The following ASTN2 variants were observed in gnomAD, a reference collection of about 807,000 sequenced individuals.
The protein encoded by ASTN2 is astrotactin-2.
In ASTN2, 54 loss-of-function variants were observed where a neutral mutation model predicts 139.8. That is an observed-to-expected ratio of 0.39 (90% confidence interval 0.31 to 0.48). The LOEUF is 0.48. Ranked by LOEUF, ASTN2 falls within the 20% of genes least tolerant of loss-of-function variation. The pLI, the probability that ASTN2 is intolerant of heterozygous loss-of-function variation, is 0.95. For synonymous variants in ASTN2, 756 were observed against 719.5 expected, an observed-to-expected ratio of 1.05 and a Z score of -0.81; for missense variants, 1,565 against 1,725.1, an observed-to-expected ratio of 0.91 and a Z score of 1.64.
chr9:117,200,996 C>CTTTTTTTT (rs777675838), intron 3 of ASTN2, among the ~76,000 whole-genome samples: 22 of 94,942 alleles, frequency 2.3e-4, no homozygotes, highest in East Asian at 6.7e-4. Context: ...TGGTCCTGGG[C>CTTTTTTTT]TTTTTTTTTT....
intron 1 of ASTN2, among the ~76,000 whole-genome samples, chr9:117,336,317 G>A (rs1175189358): frequency 6.6e-6 from 1 of 152,074 alleles, no homozygotes; most frequent in Non-Finnish European, 1.5e-5. Flanking sequence ...CCTCATGCTG[G>A]GATTAATTTG....
At chr9:117,059,673 AAC>A (rs560161665) in intron 5 of ASTN2, among the ~76,000 whole-genome samples, 176 of 152,268 alleles carry the variant, frequency 1.2e-3, no homozygotes, top group African/African-American at 4.0e-3. Flanking sequence ...CCAACAAAAA[AAC>A]ACAGACTAAC....
At chr9:116,916,347 G>C (rs57776284) in intron 10 of ASTN2, among the ~76,000 whole-genome samples, 4,220 of 152,226 alleles carry the variant, frequency 0.028, 212 homozygotes, top group African/African-American at 0.097. Context: ...GTCCAAATTA[G>C]CTCAGAAATG....
intron 16 of ASTN2, among the ~76,000 whole-genome samples, chr9:116,689,240 C>A (rs924216660): frequency 6.6e-6 from 1 of 152,186 alleles, no homozygotes; most frequent in Non-Finnish European, 1.5e-5. Flanking sequence ...CTAGCTCTAT[C>A]TCTTCCTGAC....
chr9:116,652,365 A>G (rs1039717735), intron 16 of ASTN2, among the ~76,000 whole-genome samples: 1 of 152,152 alleles, frequency 6.6e-6, no homozygotes, highest in Non-Finnish European at 1.5e-5. Flanking sequence ...AATTAATTAA[A>G]TAAAGTTGGT....
At chr9:117,293,732 AG>A (rs1377933337) in intron 1 of ASTN2, among the ~76,000 whole-genome samples, 1 of 152,216 alleles carries the variant, frequency 6.6e-6, no homozygotes, top group African/African-American at 2.4e-5. Flanking sequence ...GCAGACAGCC[AG>A]CTGGGCCAAG....
At chr9:116,464,825 CTTACCA>C (rs1848603109) in intron 20 of ASTN2, among the ~76,000 whole-genome samples, 1 of 152,226 alleles carries the variant, frequency 6.6e-6, no homozygotes, top group Non-Finnish European at 1.5e-5. Context: ...TAGGGATCAA[CTTACCA>C]TTTCTTCCCA....
chr9:117,316,393 T>C (rs1828145187), intron 1 of ASTN2, among the ~76,000 whole-genome samples: 1 of 152,102 alleles, frequency 6.6e-6, no homozygotes, highest in African/African-American at 2.4e-5. Flanking sequence ...GACAGATGGA[T>C]GGAGGGAGGG....
At chr9:116,590,009 G>C in intron 19 of ASTN2, among the ~76,000 whole-genome samples, 1 of 152,226 alleles carries the variant, frequency 6.6e-6, no homozygotes, top group East Asian at 1.9e-4. Flanking sequence ...TGGTCATTGA[G>C]GGGTAGCCTA....
chr9:117,251,559 A>C (rs1236602897), intron 2 of ASTN2, among the ~76,000 whole-genome samples: 1 of 152,210 alleles, frequency 6.6e-6, no homozygotes, highest in African/African-American at 2.4e-5. Context: ...ATAAACACTA[A>C]ATGAATATGT....
chr9:116,709,178 C>T (rs971937787), intron 16 of ASTN2, among the ~76,000 whole-genome samples: 1 of 152,176 alleles, frequency 6.6e-6, no homozygotes, highest in African/African-American at 2.4e-5. Flanking sequence ...ACTGAGGTTT[C>T]CTTGCTGTAG....
intron 16 of ASTN2, among the ~76,000 whole-genome samples, chr9:116,667,249 C>T (rs1457318307): frequency 2.0e-5 from 3 of 152,026 alleles, no homozygotes; most frequent in South Asian, 2.1e-4. Flanking sequence ...AACCACCACA[C>T]CTGGCCTTGA....
Position 117,414,085 on chromosome 9 carries a change from C to A in ASTN2, c.442+412G>T, listed in dbSNP as rs1320051166. 6.6e-6 allele frequency among the ~76,000 whole-genome samples: 1 copy of A among 152,128 alleles called. No individual in the cohort carries two copies. Among genetic ancestry groups the A allele is most frequent in the South Asian group, 2.1e-4 (1 of 4,830 alleles). On this transcript the variant is annotated intron_variant, in intron 1 of 22. Coordinates refer to ENST00000313400, the MANE Select transcript of ASTN2 (RefSeq NM_001365068.1). This position sits in a 1 kb window ranked among gnomAD's most constrained non-coding sequence, Gnocchi z 4.2. ...CAACTCCGAGGCGAGAGCGAGGGGG[C>A]GGTGACGGCGGGTGGCCAGTGACGG...
At chr9:116,805,902 T>C (rs1285985611) in intron 12 of ASTN2, 82 bp from the exon 13 acceptor site, 4 of 1,405,438 alleles carry the variant, frequency 2.8e-6, no homozygotes, top group Non-Finnish European at 3.9e-6. Context: ...AGGCCTCCTT[T>C]CCCTGCAAAA....
chr9:117,138,282 A>T (rs1829998220), intron 4 of ASTN2, among the ~76,000 whole-genome samples: 1 of 152,218 alleles, frequency 6.6e-6, no homozygotes, highest in Non-Finnish European at 1.5e-5. Context: ...TAGTCATGGA[A>T]GTTGGTTTTT....
chr9:117,179,086 A>G (rs1460542439), intron 3 of ASTN2, among the ~76,000 whole-genome samples: 1 of 152,086 alleles, frequency 6.6e-6, no homozygotes, highest in Non-Finnish European at 1.5e-5. Flanking sequence ...CCATTAGCTC[A>G]TTTCTTTTAT....
At chr9:117,082,790 G>A (rs1828462556) in intron 5 of ASTN2, among the ~76,000 whole-genome samples, 2 of 152,142 alleles carry the variant, frequency 1.3e-5, no homozygotes, top group South Asian at 4.1e-4. Flanking sequence ...GTGACAGAGT[G>A]AGACTCTCTC....
intron 3 of ASTN2, among the ~76,000 whole-genome samples, chr9:117,165,878 C>T (rs1287959414): frequency 6.6e-6 from 1 of 151,930 alleles, no homozygotes; most frequent in African/African-American, 2.4e-5. Context: ...AATAGAATGC[C>T]TTATGCAAAG....
At chr9:116,974,180 C>T (rs1836284858) in intron 10 of ASTN2, among the ~76,000 whole-genome samples, 1 of 152,162 alleles carries the variant, frequency 6.6e-6, no homozygotes, top group African/African-American at 2.4e-5. Context: ...AGAATGCTTC[C>T]CCTAATCAAA....
Sources: allele counts gnomAD v4.1 joint callset (sites outside exome capture counted in the v4.1 genomes callset), GRCh38; gene constraint gnomAD v4.1.1; non-coding constraint Gnocchi (gnomAD v3.1); transcripts MANE v1.5; gene names NCBI Gene and HGNC (gene_info 2026-07-23, HGNC 2026-07-21).